Variants in MACF1 observed in about 807,000 individuals in gnomAD.
MACF1 encodes microtubule-actin cross-linking factor 1.
MACF1 carries 193 observed loss-of-function variants against 854.8 expected under a neutral mutation model. That is an observed-to-expected ratio of 0.23 (90% CI 0.20 to 0.25). The LOEUF is 0.25. MACF1 is among the 10% of genes least tolerant of loss of function. The probability of loss-of-function intolerance (pLI) is 1.00; values close to 1 mark genes in which losing one functional copy is unlikely to be tolerated. For synonymous variants in MACF1, 3,185 were observed against 3,226.7 expected (o/e 0.99, Z 0.44); for missense variants, 7,722 against 8,929.1 (o/e 0.86, Z 5.45).
chr1:39,456,479 C>G (rs1644441846), intron 89 of MACF1, among the ~76,000 whole-genome samples: 1 of 152,202 alleles, frequency 6.6e-6, no homozygotes, highest in Non-Finnish European at 1.5e-5. Flanking sequence ...TTAAGGTAGG[C>G]CAGGCTAAGC....
chr1:39,461,617 C>T (rs950101291), intron 92 of MACF1, among the ~76,000 whole-genome samples: 3 of 151,804 alleles, frequency 2.0e-5, no homozygotes, highest in Non-Finnish European at 4.4e-5. Flanking sequence ...GGCAAAACCT[C>T]GTCTCTACTA....
chr1:39,236,147 G>C (rs537170617), intron 2 of MACF1, among the ~76,000 whole-genome samples: 2 of 152,264 alleles, frequency 1.3e-5, no homozygotes, highest in South Asian at 4.1e-4. Flanking sequence ...AAATTACTTA[G>C]AGAGGGTAAG....
intron 43 of MACF1, among the ~76,000 whole-genome samples, chr1:39,352,543 A>C (rs2148503977): frequency 1.3e-5 from 2 of 152,330 alleles, no homozygotes; most frequent in East Asian, 3.9e-4. Context: ...TTTGAGACAG[A>C]GTATTGCCGT....
intron 2 of MACF1, among the ~76,000 whole-genome samples, chr1:39,101,292 G>T (rs1161889907): frequency 1.3e-5 from 2 of 150,662 alleles, no homozygotes; most frequent in Non-Finnish European, 3.0e-5. Context: ...AGGAGGTGGA[G>T]GTTGCAGTGA....
chr1:39,095,823 A>G (rs1280862804), intron 2 of MACF1, among the ~76,000 whole-genome samples: 1 of 151,840 alleles, frequency 6.6e-6, no homozygotes, highest in Non-Finnish European at 1.5e-5. Flanking sequence ...GCAGTGAGCT[A>G]TGATTGTACT....
At chr1:39,400,518 GT>G (rs1369260735) in intron 58 of MACF1, among the ~76,000 whole-genome samples, 25 of 146,320 alleles carry the variant, frequency 1.7e-4, no homozygotes, top group Non-Finnish European at 1.5e-5. Context: ...TTGTTTGTTT[GT>G]TTTTGAGACA....
intron 2 of MACF1, among the ~76,000 whole-genome samples, chr1:39,249,390 G>T (rs1265839127): frequency 6.6e-6 from 1 of 152,174 alleles, no homozygotes; most frequent in Non-Finnish European, 1.5e-5. Flanking sequence ...TTACCTTAGA[G>T]ATGTGAGAGA....
At chr1:39,368,649 C>G (rs891562209) in intron 50 of MACF1, among the ~76,000 whole-genome samples, 9 of 151,880 alleles carry the variant, frequency 5.9e-5, no homozygotes, top group South Asian at 2.1e-4. Context: ...TTACAGGCGC[C>G]CACCACCATG....
intron 97 of MACF1, among the ~76,000 whole-genome samples, chr1:39,477,844 T>A (rs1644938532): frequency 6.6e-6 from 1 of 152,114 alleles, no homozygotes; most frequent in Non-Finnish European, 1.5e-5. Flanking sequence ...TTCTGTGAAC[T>A]GTGCAGTGCA....
Position 39,334,510 on chromosome 1 carries a change from A to G in MACF1, c.7922A>G (p.Glu2641Gly), listed in dbSNP as rs756383216. 1 of 1,614,134 alleles carries G rather than the reference A, an allele frequency of 6.2e-7. No individual in the cohort carries two copies. Among genetic ancestry groups the G allele is most frequent in the South Asian group, 1.1e-5 (1 of 91,074 alleles). Residue 2641 changes from glutamate to glycine, a missense_variant, in exon 37 of 101, where the codon GAA becomes GGA. Physicochemically the swap from Glu to Gly is moderately conservative, Grantham distance 98. Around this residue, in one of 15 missense-constraint regions of MACF1, gnomAD observed 1,531 missense variants for 1,601.6 expected, o/e 0.96. Coordinates refer to ENST00000564288, the MANE Select transcript of MACF1 (RefSeq NM_001394062.1). ...ELVKKCKIDI[E>G]SGQRYLEVIP... is the part of the protein sequence containing the mutation. ...GTCAAGAAATGTAAGATTGATATTG[A>G]ATCTGGACAGAGATATCTAGAAGTA...
rs1375774881 is a variant in MACF1, at chr1:39,422,780, G to T, written c.16029G>T (p.Lys5343Asn). 1.2e-6 allele frequency: 2 copies of T among 1,614,224 alleles called. No homozygotes were observed. Among genetic ancestry groups the T allele is most frequent in the South Asian group, 1.1e-5 (1 of 91,090 alleles). ...AGGAAGCTTTGTTGCATTGTGGGAA[G>T]TTTCAAGATGCCTTGGAGCCATTGC... ...QLQEALLHCG[K>N]FQDALEPLLS... Residue 5343 changes from lysine to asparagine, a missense_variant, in exon 60 of 101, where the codon AAG (lysine) becomes AAT (asparagine). By Grantham distance (94) the Lys-to-Asn change is moderately conservative. Around this residue, in one of 15 missense-constraint regions of MACF1, gnomAD observed 2,807 missense variants for 3,235.8 expected, o/e 0.87. Coordinates refer to ENST00000564288, the MANE Select transcript of MACF1 (RefSeq NM_001394062.1).
chr1:39,334,549 A>C lies in MACF1; in HGVS notation c.7961A>C (p.Asp2654Ala). 6.2e-7 allele frequency: 1 copy of C among 1,614,158 alleles called. No homozygotes were observed. The highest frequency in any genetic ancestry group is 8.5e-7 in the Non-Finnish European group (1 of 1,180,018). The change falls in exon 37 of 101, where the codon GAC (aspartate) becomes GCC (alanine). Residue 2654 changes from aspartate (D) to alanine (A), a missense_variant. Transcript: ENST00000564288. ...TATCTAGAAGTAATTCCCTTCTCAG[A>C]CATTAAAGATGGGGTGAGCGACAAA... The part of the protein sequence containing the change: ...QRYLEVIPFS[D>A]IKDGVSDKVL...
In MACF1 at chr1:39,382,041, T is replaced by A; in HGVS notation, c.13737T>A (p.Ala4579=). 6.2e-7 allele frequency: 1 copy of A among 1,614,196 alleles called. No individual in the cohort carries two copies. The highest frequency in any genetic ancestry group is 1.3e-5 in the African/African-American group (1 of 75,052). The stretch of plus-strand genomic sequence containing the variant: ...CAAGTCATCTGGCCTGCTTCCAGGC[T>A]GCAGAATCCCAGCTCCGGCCGTGGC... ...ESASHLACFQ[A]AESQLRPWLM... Residue 4579 remains alanine (A), a synonymous_variant, in exon 56 of 101, where the codon GCT becomes GCA. Transcript: ENST00000564288.
At chr1:39,161,374 T>C (rs1258241612) in intron 2 of MACF1, among the ~76,000 whole-genome samples, 1 of 151,864 alleles carries the variant, frequency 6.6e-6, no homozygotes, top group Non-Finnish European at 1.5e-5. Flanking sequence ...CTAAGAAAAA[T>C]TTATGATAGG....
Position 39,334,385 on chromosome 1 carries a change from A to G in MACF1, c.7797A>G (p.Lys2599=). Residue 2599 remains lysine (K), a synonymous_variant, in exon 37 of 101, where the codon AAA becomes AAG. Coordinates refer to ENST00000564288, the MANE Select transcript of MACF1 (RefSeq NM_001394062.1). ...SGQRLTLAEA[K]KEGLLTNEAV... Reference sequence around the variant, plus strand: ...AGAGATTGACCTTGGCAGAAGCTAAAAAAGAAGGACTGTTAACTAATGAAG... The same window carrying G: ...AGAGATTGACCTTGGCAGAAGCTAAGAAAGAAGGACTGTTAACTAATGAAG... 2 of 1,614,170 alleles carry G rather than the reference A, an allele frequency of 1.2e-6. No individual in the cohort carries two copies. Among genetic ancestry groups the G allele is most frequent in the Non-Finnish European group, 1.7e-6 (2 of 1,180,020 alleles).
At chr1:39,239,244 G>A (rs1038376051) in intron 2 of MACF1, among the ~76,000 whole-genome samples, 1 of 152,082 alleles carries the variant, frequency 6.6e-6, no homozygotes, top group Admixed American at 6.6e-5. Context: ...TCGTGCCACC[G>A]CACTCCAGCG....
intron 58 of MACF1, among the ~76,000 whole-genome samples, chr1:39,417,488 T>G (rs1312323390): frequency 5.3e-5 from 8 of 152,136 alleles, no homozygotes; most frequent in Non-Finnish European, 8.8e-5. Context: ...TTCATTGGTT[T>G]TTTGCATTCC....
At position 39,447,839 on chromosome 1, in the gene MACF1, G is replaced by A; in HGVS notation, c.19909G>A (p.Val6637Ile). The A allele has an allele frequency of 6.2e-7, 1 of 1,613,790 alleles. No homozygotes were observed. Among genetic ancestry groups the A allele is most frequent in the Non-Finnish European group, 8.5e-7 (1 of 1,179,902 alleles). Residue 6637 changes from valine to isoleucine, a missense_variant, in exon 82 of 101, where the codon GTC becomes ATC. By Grantham distance (29) the Val-to-Ile change is conservative. Transcript: ENST00000564288. ...CGTGCAGTCTCGATGGGAGAAGGTT[G>A]TCCAGCGATCTATTGAAAGAGGGCG... ...VSVQSRWEKV[V>I]QRSIERGRSL...
intron 2 of MACF1, among the ~76,000 whole-genome samples, chr1:39,166,521 A>G (rs1477869843): frequency 4.0e-5 from 6 of 151,244 alleles, no homozygotes; most frequent in Admixed American, 4.0e-4. Flanking sequence ...CAGTGGTGCG[A>G]TCTTGGCTCA....
Sources: gnomAD v4.1 joint callset for allele counts (sites outside exome capture counted in the v4.1 genomes callset) on GRCh38, gnomAD v4.1.1 for gene constraint, gnomAD v4.1.1 regional missense constraint, MANE v1.5 for transcripts, NCBI Gene and HGNC (gene_info 2026-07-23, HGNC 2026-07-21) for gene names.